TMEM132C: variants seen among roughly 807,000 people sequenced by gnomAD.
TMEM132C encodes protein phosphatase 1, regulatory subunit 152.
A neutral mutation model predicts 61.4 loss-of-function variants in TMEM132C; 29 were observed. That is an observed-to-expected ratio of 0.47 (90% CI 0.35 to 0.64). The LOEUF is 0.64. Among genes scored for constraint, TMEM132C ranks in the 30% least tolerant of loss-of-function variants. The probability of loss-of-function intolerance (pLI) is 0.00; values close to 1 mark genes in which losing one functional copy is unlikely to be tolerated. For synonymous variants in TMEM132C, 656 were observed against 633.1 expected, an observed-to-expected ratio of 1.04 and a Z score of -0.54; for missense variants, 1,408 against 1,476.9, an observed-to-expected ratio of 0.95 and a Z score of 0.76.
chr12:128,551,750 C>T (rs1327285591), intron 3 of TMEM132C, among the ~76,000 whole-genome samples: 3 of 152,178 alleles, frequency 2.0e-5, no homozygotes, highest in Admixed American at 6.5e-5. Context: ...CCGCCTCCCC[C>T]TTCATCTCCT....
At chr12:128,669,618 G>T in intron 5 of TMEM132C, 58 bp downstream of exon 5, 8 of 1,532,360 alleles carry the variant, frequency 5.2e-6, no homozygotes, top group Non-Finnish European at 7.0e-6. Context: ...TGGACATCCC[G>T]TTTGCTAGGG....
chr12:128,477,859 G>A (rs1283552720), intron 2 of TMEM132C, among the ~76,000 whole-genome samples: 2 of 152,156 alleles, frequency 1.3e-5, no homozygotes, highest in Non-Finnish European at 2.9e-5. Flanking sequence ...TGGGGTTATA[G>A]GCGTGAGCCA....
At chr12:128,486,892 C>T (rs1871513761) in intron 2 of TMEM132C, among the ~76,000 whole-genome samples, 1 of 119,076 alleles carries the variant, frequency 8.4e-6, no homozygotes, top group Non-Finnish European at 1.9e-5. Context: ...CACACACACA[C>T]ACACACACAC....
intron 3 of TMEM132C, among the ~76,000 whole-genome samples, chr12:128,611,754 C>G (rs1464509080): frequency 1.3e-5 from 2 of 152,170 alleles, no homozygotes; most frequent in Admixed American, 1.3e-4. Flanking sequence ...AATTTAAAAT[C>G]CAGAGATTTT....
intron 2 of TMEM132C, among the ~76,000 whole-genome samples, chr12:128,497,968 C>T (rs78956951): frequency 0.011 from 1,711 of 152,232 alleles, 40 homozygotes; most frequent in African/African-American, 0.038. Flanking sequence ...CATCTTGGAA[C>T]CACCCCCAGT....
intron 1 of TMEM132C, among the ~76,000 whole-genome samples, chr12:128,365,802 C>T (rs1873847887): frequency 6.6e-6 from 1 of 152,114 alleles, no homozygotes; most frequent in South Asian, 2.1e-4. Context: ...CTCCTGGGCC[C>T]CTTGAAAACT....
intron 1 of TMEM132C, among the ~76,000 whole-genome samples, chr12:128,389,044 A>G (rs528419190): frequency 6.8e-6 from 1 of 146,214 alleles, no homozygotes; most frequent in Admixed American, 6.7e-5. Flanking sequence ...CCTGGGAGAG[A>G]CAAAGACCAG....
chr12:128,625,365 G>A (rs919520446), intron 4 of TMEM132C, among the ~76,000 whole-genome samples: 1 of 152,182 alleles, frequency 6.6e-6, no homozygotes, highest in Non-Finnish European at 1.5e-5. Flanking sequence ...TCCCCACGTG[G>A]TGGAATGGGC....
At chr12:128,302,224 T>G (rs1180487951) in intron 1 of TMEM132C, among the ~76,000 whole-genome samples, 1 of 152,216 alleles carries the variant, frequency 6.6e-6, no homozygotes, top group Non-Finnish European at 1.5e-5. Context: ...AAAACTTTCT[T>G]TACTTTGTAT....
In TMEM132C at chr12:128,308,456, A is replaced by T. The variant is rs183346101; in HGVS notation, c.85+40969A>T. Among the ~76,000 whole-genome samples, 320 of 152,140 alleles carry T rather than the reference A, an allele frequency of 2.1e-3. 1 individual carries two copies. Among genetic ancestry groups the T allele is most frequent in the Middle Eastern group, 6.8e-3 (2 of 294 alleles). The stretch of plus-strand genomic sequence containing the variant: ...CACAGCCGATGGTATTTAGGAAGGG[A>T]GTTAACCCTACCACAGGGACCAGTG... On this transcript the variant is annotated intron_variant, in intron 1 of 8. Coordinates refer to ENST00000435159, the MANE Select transcript of TMEM132C (RefSeq NM_001136103.3).
At position 128,303,644 on chromosome 12, in the gene TMEM132C, A is replaced by G. The variant is rs539045318; in HGVS notation, c.85+36157A>G. Among the ~76,000 whole-genome samples, 14 of 152,314 alleles carry G rather than the reference A, an allele frequency of 9.2e-5. No individual in the cohort carries two copies. The South Asian group carries it at 2.5e-3, about 27-fold the overall frequency. Reference sequence around the variant, plus strand: ...TTTGCACGTGGAACTGCTGTTCTCAACGTTGCTTGCTACGGTAGATTGCAG... The same window carrying G: ...TTTGCACGTGGAACTGCTGTTCTCAGCGTTGCTTGCTACGGTAGATTGCAG... On this transcript the variant is annotated intron_variant, in intron 1 of 8. Coordinates refer to ENST00000435159, the MANE Select transcript of TMEM132C (RefSeq NM_001136103.3).
At chr12:128,386,937 C>T (rs529109706) in intron 1 of TMEM132C, among the ~76,000 whole-genome samples, 2 of 151,716 alleles carry the variant, frequency 1.3e-5, no homozygotes, top group Non-Finnish European at 1.5e-5. Flanking sequence ...GAGACCAACC[C>T]GGGCAACGTA....
At chr12:128,585,331 G>A (rs922970947) in intron 3 of TMEM132C, among the ~76,000 whole-genome samples, 4 of 152,246 alleles carry the variant, frequency 2.6e-5, no homozygotes, top group African/African-American at 7.2e-5. Flanking sequence ...AGTGACAGGA[G>A]ATGTTAAATG....
chr12:128,287,131 T>A (rs1459034756), intron 1 of TMEM132C, among the ~76,000 whole-genome samples: 1 of 152,156 alleles, frequency 6.6e-6, no homozygotes, highest in Non-Finnish European at 1.5e-5. Flanking sequence ...TGTTTATTGC[T>A]GGGGTGGGGG....
chr12:128,436,472 A>C (rs1237060629), intron 2 of TMEM132C, among the ~76,000 whole-genome samples: 1 of 152,238 alleles, frequency 6.6e-6, no homozygotes, highest in Non-Finnish European at 1.5e-5. Context: ...AACCCCATCA[A>C]AAAGTGGGCA....
At chr12:128,272,254 C>T (rs1042835584) in intron 1 of TMEM132C, among the ~76,000 whole-genome samples, 6 of 151,108 alleles carry the variant, frequency 4.0e-5, no homozygotes, top group African/African-American at 1.5e-4. Context: ...TTACCTTTTT[C>T]AAAATGTCAT....
chr12:128,379,093 T>C (rs1216311520), intron 1 of TMEM132C, among the ~76,000 whole-genome samples: 1 of 152,226 alleles, frequency 6.6e-6, no homozygotes, highest in Non-Finnish European at 1.5e-5. Context: ...TTTGTCTTTA[T>C]TAGCAGCGTG....
chr12:128,639,202 G>A (rs1954133084), intron 4 of TMEM132C, among the ~76,000 whole-genome samples: 2 of 150,056 alleles, frequency 1.3e-5, no homozygotes, highest in South Asian at 4.3e-4. Context: ...ATGGTGGGGT[G>A]ATGATGATGG....
chr12:128,418,690 G>A (rs1868868008), intron 2 of TMEM132C, among the ~76,000 whole-genome samples: 1 of 152,222 alleles, frequency 6.6e-6, no homozygotes, highest in Non-Finnish European at 1.5e-5. Flanking sequence ...AACTGGCATT[G>A]GCATAACATT....
Sources: allele counts gnomAD v4.1 joint callset (sites outside exome capture counted in the v4.1 genomes callset), GRCh38; gene constraint gnomAD v4.1.1; transcripts MANE v1.5; gene names NCBI Gene and HGNC (gene_info 2026-07-23, HGNC 2026-07-21).